RIMKLA: variants seen among roughly 807,000 people sequenced by gnomAD.
RIMKLA encodes the protein ribosomal modification protein rimK like family member A.
A neutral mutation model predicts 32.7 loss-of-function variants in RIMKLA; 14 were observed. That is an observed-to-expected ratio of 0.43 (90% confidence interval 0.28 to 0.67). The LOEUF (loss-of-function observed/expected upper bound fraction) is 0.67. Among genes scored for constraint, RIMKLA ranks in the 30% least tolerant of loss-of-function variants. The probability of loss-of-function intolerance (pLI) is 0.18; values close to 1 mark genes in which losing one functional copy is unlikely to be tolerated. For synonymous variants in RIMKLA, 176 were observed against 204.1 expected, an observed-to-expected ratio of 0.86 and a Z score of 1.18; for missense variants, 410 against 519.0, an observed-to-expected ratio of 0.79 and a Z score of 2.04.
rs1643233243 is a variant in RIMKLA, at chr1:42,414,934, A to G, written c.1136A>G (p.Asn379Ser). Residue 379 changes from asparagine to serine, a missense_variant, in exon 5 of 5, where the codon AAC becomes AGC. Asn to Ser is a conservative substitution (Grantham distance 46). Coordinates refer to ENST00000431473, the MANE Select transcript of RIMKLA (RefSeq NM_173642.4). ...TCCATGCTGCCCGAACCTGGCTACA[A>G]CATTAACAACAGGATTGCTTCTGAG... is the stretch of plus-strand genomic sequence containing the variant. ...PPSMLPEPGY[N>S]INNRIASELK... 12 of 1,613,506 alleles carry G rather than the reference A, an allele frequency of 7.4e-6. No homozygotes were observed. The highest frequency in any genetic ancestry group is 8.5e-6 in the Non-Finnish European group (10 of 1,179,840).
At chr1:42,392,904 A>G (rs1643012415) in intron 1 of RIMKLA, among the ~76,000 whole-genome samples, 1 of 152,174 alleles carries the variant, frequency 6.6e-6, no homozygotes, top group African/African-American at 2.4e-5. Flanking sequence ...AGGCAGGAGA[A>G]TCACTTGAGC....
chr1:42,410,010 A>G lies in RIMKLA; in HGVS notation c.508A>G (p.Lys170Glu). The change falls in exon 4 of 5, where the codon AAA (lysine) becomes GAA (glutamate). Residue 170 changes from lysine (K) to glutamate (E), a missense_variant. Physicochemically the swap from Lys to Glu is moderately conservative, Grantham distance 56 (BLOSUM62 1). Coordinates refer to ENST00000431473, the MANE Select transcript of RIMKLA (RefSeq NM_173642.4). ...RGKAVFLARD[K>E]HHLSDICHLI... The stretch of plus-strand genomic sequence containing the variant: ...AAAAGCTGTTTTTCTGGCAAGAGAT[A>G]AACATCACCTCTCTGACATCTGCCA... 2.5e-6 allele frequency: 4 copies of G among 1,614,092 alleles called. No homozygotes were observed. The highest frequency in any genetic ancestry group is 3.4e-6 in the Non-Finnish European group (4 of 1,179,970).
intron 4 of RIMKLA, 21 bp downstream of exon 4, chr1:42,410,208 G>C: frequency 6.2e-7 from 1 of 1,600,400 alleles, no homozygotes; most frequent in Non-Finnish European, 8.6e-7. Context: ...AAAGCACAGG[G>C]TTTTATTAGG....
chr1:42,401,610 A>C (rs1015281034), intron 2 of RIMKLA, among the ~76,000 whole-genome samples: 2 of 152,198 alleles, frequency 1.3e-5, no homozygotes, highest in African/African-American at 4.8e-5. Flanking sequence ...GCGACTTGTC[A>C]ACATTGATGT....
chr1:42,412,595 C>A (rs749101705), intron 4 of RIMKLA: 2 of 509,470 alleles, frequency 3.9e-6, no homozygotes. Flanking sequence ...ACTTGTTTAA[C>A]CTGCCTGTGA....
chr1:42,409,126 C>T (rs868496208), intron 3 of RIMKLA, among the ~76,000 whole-genome samples: 27 of 139,168 alleles, frequency 1.9e-4, no homozygotes, highest in Middle Eastern at 4.2e-3. Flanking sequence ...TGCTTGAACC[C>T]GGGAGGTGGA....
In RIMKLA at chr1:42,413,791, G is replaced by A. The variant is rs947704093; in HGVS notation, c.686-693G>A. ...TCTGTCATACAGGCTGGCGTGGAGT[G>A]GCATGATCATGGCTCACTGTAGCCT... On this transcript the variant is annotated intron_variant, in intron 4 of 4. Transcript: ENST00000431473. 6.0e-5 allele frequency among the ~76,000 whole-genome samples: 9 copies of A among 150,262 alleles called. No homozygotes were observed. In the East Asian group the frequency reaches 6.2e-4, roughly 10 times the overall value.
At chr1:42,385,828 CTTTCTTTCTTTCTTTCTCT>C (rs1570313847) in intron 1 of RIMKLA, among the ~76,000 whole-genome samples, 1 of 78,836 alleles carries the variant, frequency 1.3e-5, no homozygotes, top group Non-Finnish European at 2.8e-5. Flanking sequence ...TCCTTCCTTC[CTTTCTTTCTTTCTTTCTCT>C]TTCTTTCTTT....
chr1:42,391,579 G>A (rs180932390), intron 1 of RIMKLA, among the ~76,000 whole-genome samples: 227 of 152,246 alleles, frequency 1.5e-3, no homozygotes, highest in Middle Eastern at 6.8e-3. Context: ...GAAGGCACAC[G>A]GAAAAGGTTG....
intron 3 of RIMKLA, among the ~76,000 whole-genome samples, chr1:42,404,848 G>A (rs781013366): frequency 6.6e-6 from 1 of 152,160 alleles, no homozygotes; most frequent in Non-Finnish European, 1.5e-5. Flanking sequence ...TGCCTCTTCT[G>A]TTCTTTTTTT....
intron 4 of RIMKLA, among the ~76,000 whole-genome samples, chr1:42,410,461 C>A (rs1290349777): frequency 6.6e-6 from 1 of 151,938 alleles, no homozygotes; most frequent in Non-Finnish European, 1.5e-5. Flanking sequence ...ACATGAGGAC[C>A]AACGTTGGAG....
At chr1:42,390,198 C>T (rs937562041) in intron 1 of RIMKLA, among the ~76,000 whole-genome samples, 14 of 152,164 alleles carry the variant, frequency 9.2e-5, no homozygotes, top group African/African-American at 2.4e-4. Flanking sequence ...CCACCACACT[C>T]AGCTATTTTC....
At chr1:42,387,070 T>C (rs1029973254) in intron 1 of RIMKLA, among the ~76,000 whole-genome samples, 2 of 149,558 alleles carry the variant, frequency 1.3e-5, no homozygotes, top group Non-Finnish European at 3.0e-5. Context: ...CCATCTCAAA[T>C]AAATAAATAA....
Position 42,410,131 on chromosome 1 carries a change from T to TA in RIMKLA, c.630dup (p.Gly211ArgfsTer9), listed in dbSNP as rs771576333. ...GTGGTGGTGGTAGGGGGCCAGGTCATAGGCTCTATGCTTCGCTGCTCCACT... is the reference window on the plus strand; with the variant it reads ...GTGGTGGTGGTAGGGGGCCAGGTCATAAGGCTCTATGCTTCGCTGCTCCACT... On this transcript the variant is annotated frameshift_variant, in exon 4 of 5. Transcript: ENST00000431473. LOFTEE classifies it high-confidence loss of function. The TA allele has an allele frequency of 6.2e-7, 1 of 1,614,144 alleles. No homozygotes were observed. The highest frequency in any genetic ancestry group is 8.5e-7 in the Non-Finnish European group (1 of 1,180,012).
At chr1:42,411,256 G>A (rs1329963881) in intron 4 of RIMKLA, among the ~76,000 whole-genome samples, 1 of 151,492 alleles carries the variant, frequency 6.6e-6, no homozygotes, top group Admixed American at 6.6e-5. Flanking sequence ...GATCCTTTGA[G>A]CCCAGGAGTT....
rs1643027002 is a variant in RIMKLA, at chr1:42,394,628, G to C, written c.164-4776G>C. Among the ~76,000 whole-genome samples, 3 of 152,100 alleles carry C rather than the reference G, an allele frequency of 2.0e-5. No individual in the cohort carries two copies. The South Asian group carries it at 6.2e-4, about 31-fold the overall frequency. On this transcript the variant is annotated intron_variant, in intron 1 of 4. Coordinates refer to ENST00000431473, the MANE Select transcript of RIMKLA (RefSeq NM_173642.4). Reference sequence around the variant, plus strand: ...TGTTATGATGATTGAGAATGGTTAAGTTTTAGAACTCTGCTTTCCAATAAA... The same window carrying C: ...TGTTATGATGATTGAGAATGGTTAACTTTTAGAACTCTGCTTTCCAATAAA...
rs1203146247 is a variant in RIMKLA at position 42,421,728 on chromosome 1, T to C, written c.*6754T>C. 6.6e-6 allele frequency: 1 copy of C among 152,142 alleles called. No individual in the cohort carries two copies. The highest frequency in any genetic ancestry group is 1.5e-5 in the Non-Finnish European group (1 of 68,034). The allele number at this position is 152,142 out of a possible 1,614,324, so 9.4% of individuals were successfully genotyped here. The stretch of plus-strand genomic sequence containing the variant: ...TGGCCCATGAGAGTGGATTGTTGAA[T>C]TTCCAGGAATTTTGTAAGCTGGTTG... On this transcript the variant is annotated 3_prime_UTR_variant, in exon 5 of 5. Coordinates refer to ENST00000431473, the MANE Select transcript of RIMKLA (RefSeq NM_173642.4). The surrounding 1 kb of genome is among the most constrained non-coding windows in gnomAD (Gnocchi z 4.6).
intron 3 of RIMKLA, among the ~76,000 whole-genome samples, chr1:42,406,486 T>C (rs1643148265): frequency 6.6e-6 from 1 of 152,246 alleles, no homozygotes; most frequent in Non-Finnish European, 1.5e-5. Context: ...ATACAGTATG[T>C]GGACTTTTGT....
At chr1:42,410,754 G>A (rs1055434753) in intron 4 of RIMKLA, among the ~76,000 whole-genome samples, 2 of 152,106 alleles carry the variant, frequency 1.3e-5, no homozygotes, top group Non-Finnish European at 2.9e-5. Flanking sequence ...TACTTCAAGA[G>A]GGATGTAAGT....
Sources: gnomAD v4.1 joint callset for allele counts (sites outside exome capture counted in the v4.1 genomes callset) on GRCh38, gnomAD v4.1.1 for gene constraint, Gnocchi (gnomAD v3.1) non-coding constraint, MANE v1.5 for transcripts, NCBI Gene and HGNC (gene_info 2026-07-23, HGNC 2026-07-21) for gene names.